MAGI2: variants seen among roughly 807,000 people sequenced by gnomAD.
MAGI2 encodes membrane associated guanylate kinase, WW and PDZ domain containing 2, also known as membrane-associated guanylate kinase, WW and PDZ domain-containing protein 2.
Under a neutral mutation model 133.3 loss-of-function variants are expected in MAGI2, and 35 were observed. The ratio of observed to expected loss-of-function variants is 0.26; its 90% confidence interval spans 0.20 to 0.35. The LOEUF is 0.35. Among genes scored for constraint, MAGI2 ranks in the 10% least tolerant of loss-of-function variants. The pLI is 1.00. For synonymous variants in MAGI2, 729 were observed against 710.6 expected (o/e 1.03, Z -0.41); for missense variants, 1,636 against 1,863.4 (o/e 0.88, Z 2.25).
At chr7:78,756,251 A>T (rs1249865607) in intron 2 of MAGI2, among the ~76,000 whole-genome samples, 7 of 152,208 alleles carry the variant, frequency 4.6e-5, no homozygotes, top group Admixed American at 4.6e-4. Context: ...CAAGTCTGGG[A>T]TCCATTCATG....
At chr7:78,975,133 C>T (rs1804132320) in intron 2 of MAGI2, among the ~76,000 whole-genome samples, 1 of 151,700 alleles carries the variant, frequency 6.6e-6, no homozygotes, top group Non-Finnish European at 1.5e-5. Flanking sequence ...GCAAGCAGGA[C>T]ATCAGTAAGG....
intron 21 of MAGI2, among the ~76,000 whole-genome samples, chr7:78,039,206 A>T (rs1380733325): frequency 6.6e-6 from 1 of 152,214 alleles, no homozygotes; most frequent in African/African-American, 2.4e-5. Context: ...AATTGAAATT[A>T]TACAGGCTCT....
intron 2 of MAGI2, among the ~76,000 whole-genome samples, chr7:78,848,372 C>G (rs1273965138): frequency 6.6e-6 from 1 of 151,964 alleles, no homozygotes; most frequent in Non-Finnish European, 1.5e-5. Flanking sequence ...TGTTTTCCAT[C>G]TCAGATGTTC....
chr7:78,697,160 C>T (rs181983215), intron 2 of MAGI2, among the ~76,000 whole-genome samples: 151 of 152,196 alleles, frequency 9.9e-4, no homozygotes, highest in Non-Finnish European at 1.5e-3. Flanking sequence ...TGTTTAATCT[C>T]TTTTCACATG....
intron 1 of MAGI2, among the ~76,000 whole-genome samples, chr7:79,404,896 C>G (rs570743916): frequency 6.6e-6 from 1 of 152,220 alleles, no homozygotes; most frequent in East Asian, 1.9e-4. Flanking sequence ...CTCCTAGGCC[C>G]AAAGGAGACC....
intron 2 of MAGI2, among the ~76,000 whole-genome samples, chr7:78,796,896 A>C (rs1000325286): frequency 5.9e-5 from 9 of 152,180 alleles, no homozygotes; most frequent in Admixed American, 5.9e-4. Flanking sequence ...CAAATATTGC[A>C]TGTTCTCACT....
intron 3 of MAGI2, among the ~76,000 whole-genome samples, chr7:78,577,742 C>A (rs1384154600): frequency 2.0e-5 from 3 of 152,036 alleles, no homozygotes. Flanking sequence ...AAGACAATGT[C>A]ATCAGTTAAG....
chr7:78,046,542 T>A (rs1167279822), intron 21 of MAGI2, among the ~76,000 whole-genome samples: 2 of 152,196 alleles, frequency 1.3e-5, no homozygotes, highest in African/African-American at 2.4e-5. Context: ...GATTTGACCA[T>A]GGAATAGAAT....
chr7:79,356,585 C>T (rs1842034187), intron 1 of MAGI2, among the ~76,000 whole-genome samples: 1 of 152,016 alleles, frequency 6.6e-6, no homozygotes, highest in African/African-American at 2.4e-5. Flanking sequence ...ATTTTATTGA[C>T]CTTCAAAAAA....
At chr7:79,249,880 A>G (rs2129555596) in intron 1 of MAGI2, among the ~76,000 whole-genome samples, 1 of 152,244 alleles carries the variant, frequency 6.6e-6, no homozygotes. Context: ...TCTGATATAT[A>G]TTGATACAAA....
chr7:78,723,692 G>C (rs1008184115), intron 2 of MAGI2, among the ~76,000 whole-genome samples: 1 of 152,148 alleles, frequency 6.6e-6, no homozygotes, highest in Non-Finnish European at 1.5e-5. Context: ...AGTAACAGAA[G>C]AGATGACTAT....
intron 1 of MAGI2, among the ~76,000 whole-genome samples, chr7:79,442,821 T>C (rs1045958812): frequency 3.9e-5 from 6 of 152,062 alleles, no homozygotes; most frequent in Non-Finnish European, 7.4e-5. Flanking sequence ...GTTCAGGGTG[T>C]TTTTAGAAAT....
chr7:78,637,909 T>C, intron 2 of MAGI2, among the ~76,000 whole-genome samples: 1 of 151,952 alleles, frequency 6.6e-6, no homozygotes, highest in East Asian at 1.9e-4. Flanking sequence ...GAGATCTCAT[T>C]TCTACAAAAA....
chr7:78,872,679 T>C (rs546108311), intron 2 of MAGI2, among the ~76,000 whole-genome samples: 1 of 152,218 alleles, frequency 6.6e-6, no homozygotes, highest in East Asian at 1.9e-4. Context: ...ATTTTGTTTA[T>C]GCTTTTAGTT....
intron 12 of MAGI2, among the ~76,000 whole-genome samples, chr7:78,190,899 C>T (rs1708364664): frequency 6.6e-6 from 1 of 152,174 alleles, no homozygotes. Flanking sequence ...CACGGCTTGT[C>T]CCACTATGGA....
At chr7:78,274,470 T>C (rs1794868145) in intron 9 of MAGI2, among the ~76,000 whole-genome samples, 1 of 152,234 alleles carries the variant, frequency 6.6e-6, no homozygotes, top group South Asian at 2.1e-4. Flanking sequence ...AATGCTGTGC[T>C]GGGAGAACCA....
At chr7:78,138,628 C>CACACACAA (rs1822417152) in intron 16 of MAGI2, among the ~76,000 whole-genome samples, 1 of 37,814 alleles carries the variant, frequency 2.6e-5, no homozygotes, top group African/African-American at 7.5e-5. Context: ...CATAGATTCA[C>CACACACAA]ACACACACAC....
chr7:79,213,652 A>G (rs1203103025), intron 1 of MAGI2, among the ~76,000 whole-genome samples: 2 of 152,110 alleles, frequency 1.3e-5, no homozygotes, highest in Non-Finnish European at 2.9e-5. Context: ...AAAAATAAAT[A>G]TGTGTGTAAA....
intron 1 of MAGI2, among the ~76,000 whole-genome samples, chr7:79,077,148 C>G (rs1189545111): frequency 1.3e-5 from 2 of 152,144 alleles, no homozygotes; most frequent in Admixed American, 1.3e-4. Context: ...CAAATTAAAA[C>G]ATTTACTGAA....
Sources: allele counts gnomAD v4.1 joint callset (sites outside exome capture counted in the v4.1 genomes callset), GRCh38; gene constraint gnomAD v4.1.1; transcripts MANE v1.5; gene names NCBI Gene and HGNC (gene_info 2026-07-23, HGNC 2026-07-21).